Variants in IL18BP observed in about 807,000 individuals in gnomAD.
IL18BP encodes the protein interleukin 18 binding protein, also known as interleukin-18-binding protein.
Under a neutral mutation model 19.9 loss-of-function variants are expected in IL18BP, and 23 were observed. The ratio of observed to expected loss-of-function variants is 1.15; its 90% CI spans 0.83 to 1.64. The LOEUF (loss-of-function observed/expected upper bound fraction) is 1.64, where lower values mean the gene tolerates loss of function less well. Among genes scored for constraint, IL18BP ranks in the 40% most tolerant of loss-of-function variants. IL18BP has a pLI of 0.00. For missense variants in IL18BP, 239 were observed against 240.7 expected (o/e 0.99, Z 0.05); for synonymous variants, 107 against 101.0 (o/e 1.06, Z -0.35).
chr11:72,001,740 C>T (rs1234913382), intron 5 of IL18BP, 44 bp from the exon 6 acceptor site: 2 of 1,613,560 alleles, frequency 1.2e-6, no homozygotes, highest in Non-Finnish European at 1.7e-6. Flanking sequence ...ATGAGATGTC[C>T]CTCCTTTCCT....
At chr11:72,003,362 A>AGGACCAG (rs1231835907), downstream of IL18BP, 29 of 694,008 alleles carry the variant, frequency 4.2e-5, no homozygotes, top group South Asian at 2.3e-4. Flanking sequence ...GCGCCAGTGA[A>AGGACCAG]GGACCAGGGA....
chr11:72,004,457 C>T (rs1235842072), downstream of IL18BP: 3 of 1,216,054 alleles, frequency 2.5e-6, no homozygotes, highest in Admixed American at 2.1e-5. Flanking sequence ...ACCTGCTCCC[C>T]TTCCCAACTC....
downstream of IL18BP, chr11:72,002,871 A>G (rs569811260): frequency 4.6e-6 from 1 of 217,114 alleles, no homozygotes; most frequent in Non-Finnish European, 9.3e-6. Context: ...TACTCACGGG[A>G]GAAAAATAGA....
At chr11:72,003,948 G>A (rs1343428687), downstream of IL18BP, 7 of 1,613,640 alleles carry the variant, frequency 4.3e-6, no homozygotes, top group Non-Finnish European at 5.9e-6. Flanking sequence ...GGCTGTGGTG[G>A]TGGCAATGCG....
At position 72,002,591 on chromosome 11, in the gene IL18BP, A is replaced by G. The variant is rs1955328859; in HGVS notation, c.*730A>G. 6.4e-6 allele frequency: 1 copy of G among 156,424 alleles called. No homozygotes were observed. Among genetic ancestry groups the G allele is most frequent in the South Asian group, 2.1e-4 (1 of 4,864 alleles). The allele number at this position is 156,424 out of a possible 1,614,324, so 9.7% of individuals were successfully genotyped here. On this transcript the variant is annotated 3_prime_UTR_variant, in exon 6 of 6. Coordinates refer to ENST00000393703, the MANE Select transcript of IL18BP (RefSeq NM_001039660.2). The stretch of plus-strand genomic sequence containing the variant: ...TCCCAGGAACTTTGCCTGTCCCACG[A>G]GGGAGTATGGGAGAGAGGGACTGCC...
At chr11:72,006,317 G>A (rs1955694651), downstream of IL18BP, 1 of 1,499,618 alleles carries the variant, frequency 6.7e-7, no homozygotes, top group Non-Finnish European at 9.2e-7. Flanking sequence ...CTGTACAGAA[G>A]CTTCCCATTC....
chr11:72,002,106 C>T lies in IL18BP; in HGVS notation c.*245C>T. On this transcript the variant is annotated 3_prime_UTR_variant, in exon 6 of 6. Transcript: ENST00000393703. ...TCTCTCCACCTATCCATTAGCCTTC[C>T]TAACGTCCTACTCCTCACACTGCTC... 1.6e-6 allele frequency: 1 copy of T among 606,680 alleles called. No homozygotes were observed. The highest frequency in any genetic ancestry group is 2.9e-6 in the Non-Finnish European group (1 of 339,138). 37.6% of individuals were successfully genotyped at this position (606,680 alleles called of 1,614,324 possible).
chr11:72,000,678 C>A, intron 3 of IL18BP, 121 bp downstream of exon 3: 1 of 780,664 alleles, frequency 1.3e-6, no homozygotes, highest in Non-Finnish European at 2.1e-6. Flanking sequence ...GGGCTGAGCA[C>A]GCACCATTCT....
chr11:72,004,115 G>A (rs760822373), downstream of IL18BP: 8 of 1,612,868 alleles, frequency 5.0e-6, no homozygotes, highest in African/African-American at 1.1e-4. Context: ...AGGAAGGGCT[G>A]TCAGACCGGG....
downstream of IL18BP, chr11:72,007,070 C>T: frequency 8.1e-7 from 1 of 1,242,052 alleles, no homozygotes; most frequent in Non-Finnish European, 1.1e-6. Context: ...TCAGCTTTCC[C>T]ACTGTAACAT....
rs753580227 is a variant in IL18BP at position 72,000,398 on chromosome 11, C to T, written c.76C>T (p.Leu26Phe). ...GCTCCTGTGTGCCCACGTCGTCACT[C>T]TCCTGGTCAGAGCCACACCTGTCTC... The part of the protein sequence containing the change: ...VLLLCAHVVT[L>F]LVRATPVSQT... The change falls in exon 3 of 6, where the codon CTC (leucine) becomes TTC (phenylalanine). Residue 26 changes from leucine to phenylalanine, a missense_variant. Transcript: ENST00000393703. The T allele has an allele frequency of 3.1e-6, 5 of 1,614,006 alleles. No homozygotes were observed. The highest frequency in any genetic ancestry group is 4.2e-6 in the Non-Finnish European group (5 of 1,180,038).
downstream of IL18BP, chr11:72,003,430 G>A: frequency 8.1e-7 from 1 of 1,228,312 alleles, no homozygotes; most frequent in Non-Finnish European, 1.2e-6. Flanking sequence ...CTGTTGGCCT[G>A]GGAGCTGAGA....
downstream of IL18BP, chr11:72,004,124 G>A: frequency 6.2e-7 from 1 of 1,612,670 alleles, no homozygotes; most frequent in East Asian, 2.2e-5. Flanking sequence ...TGTCAGACCG[G>A]GAGACCCAAT....
At chr11:72,005,949 T>C (rs1457613488), downstream of IL18BP, 5 of 1,194,142 alleles carry the variant, frequency 4.2e-6, no homozygotes, top group Non-Finnish European at 6.0e-6. Context: ...GCCTTGGATT[T>C]TTAAAAAGCT....
In IL18BP at chr11:72,001,965, C is replaced by T. The variant is rs1062452; in HGVS notation, c.*104C>T. 2.2e-5 allele frequency: 33 copies of T among 1,491,272 alleles called. No individual in the cohort carries two copies. Among genetic ancestry groups the T allele is most frequent in the East Asian group, 1.7e-4 (7 of 40,800 alleles). The allele number at this position is 1,491,272 out of a possible 1,614,324, so 92.4% of individuals were successfully genotyped here. A position where few individuals can be genotyped will look rare whatever the true frequency, so the allele number is the denominator to read the frequency against. On this transcript the variant is annotated 3_prime_UTR_variant, in exon 6 of 6. Transcript: ENST00000393703. ...TGACTGCCTGTAGGCTGCGTGGATG[C>T]GCAACACACCCCCTCCTTCTCTGCT... is the stretch of plus-strand genomic sequence containing the variant.
downstream of IL18BP, chr11:72,004,340 G>A: frequency 1.2e-6 from 2 of 1,611,466 alleles, no homozygotes; most frequent in Non-Finnish European, 1.7e-6. Context: ...GGCCTTCTTA[G>A]ACTATGGAGA....
rs929642187 is a variant in IL18BP at position 71,999,809 on chromosome 11, T to A, written c.-58-118T>A. The stretch of plus-strand genomic sequence containing the variant: ...CACTTGACCCCCCCAGCTCTGTTTC[T>A]AAGTGCTGAAAGAGCTCCAGGCTAT... On this transcript the variant is annotated intron_variant, in intron 1 of 5. Transcript: ENST00000393703. 4.8e-6 allele frequency: 3 copies of A among 625,728 alleles called. No homozygotes were observed. In the African/African-American group the frequency reaches 5.5e-5, roughly 12 times the overall value. The allele number at this position is 625,728 out of a possible 1,614,324, so 38.8% of individuals were successfully genotyped here. A position where few individuals can be genotyped will look rare whatever the true frequency, so the allele number is the denominator to read the frequency against.
intron 3 of IL18BP, 64 bp downstream of exon 3, chr11:72,000,621 C>T (rs912515973): frequency 7.9e-6 from 11 of 1,390,250 alleles, no homozygotes; most frequent in Admixed American, 3.5e-5. Flanking sequence ...GGGTTGACTC[C>T]TGAGCGCCAG....
At chr11:72,000,192 T>G (rs1409189351) in intron 2 of IL18BP, among the ~76,000 whole-genome samples, 159 bp from the exon 3 acceptor site, 1 of 152,158 alleles carries the variant, frequency 6.6e-6, no homozygotes, top group East Asian at 1.9e-4. Context: ...TTCTCTGTAC[T>G]CTGTTCAATA....
Sources: allele counts gnomAD v4.1 joint callset (sites outside exome capture counted in the v4.1 genomes callset), GRCh38; gene constraint gnomAD v4.1.1; transcripts MANE v1.5; gene names NCBI Gene and HGNC (gene_info 2026-07-23, HGNC 2026-07-21).